The following GNB1L variants were observed in gnomAD, a reference collection of about 807,000 sequenced individuals.
GNB1L encodes the protein guanine nucleotide-binding protein subunit beta-like protein 1.
GNB1L carries 20 observed loss-of-function variants against 29.1 expected under a neutral mutation model. The observed-to-expected ratio is 0.69, with a 90% CI of 0.48 to 1.00. GNB1L has a LOEUF of 1.00. Ranked by LOEUF, GNB1L falls within the 50% of genes least tolerant of loss-of-function variation. The pLI, the probability that GNB1L is intolerant of heterozygous loss-of-function variation, is 0.00. For synonymous variants in GNB1L, 193 were observed against 206.5 expected (o/e 0.93, Z 0.56); for missense variants, 421 against 464.9 (o/e 0.91, Z 0.87).
At position 19,816,767 on chromosome 22, in the gene GNB1L, G is replaced by C. The variant is rs957542659; in HGVS notation, c.254+3831C>G. Among the ~76,000 whole-genome samples the C allele has an allele frequency of 1.3e-4, 20 of 152,008 alleles. No homozygotes were observed. Among genetic ancestry groups the C allele is most frequent in the Admixed American group, 2.6e-4 (4 of 15,258 alleles). On this transcript the variant is annotated intron_variant, in intron 4 of 7. Transcript: ENST00000329517. This position sits in a 1 kb window ranked among gnomAD's most constrained non-coding sequence, Gnocchi z 4.4. ...TCTCGTGTCTGTAACTCTCCTCTCT[G>C]GGCAGGGACAACCCTGGCCTCTGTT... is the stretch of plus-strand genomic sequence containing the variant.
intron 2 of GNB1L, chr22:19,850,563 AG>A: frequency 8.9e-7 from 1 of 1,128,784 alleles, no homozygotes; most frequent in Non-Finnish European, 1.1e-6. Flanking sequence ...CCAGCTGCCC[AG>A]AACTGCTGGT....
intron 2 of GNB1L, among the ~76,000 whole-genome samples, chr22:19,843,646 G>A (rs1424154108): frequency 6.6e-6 from 1 of 152,114 alleles, no homozygotes; most frequent in Non-Finnish European, 1.5e-5. Flanking sequence ...TGACAACTTG[G>A]CCTGAGGCCC....
At position 19,830,883 on chromosome 22, in the gene GNB1L, G is replaced by A. The variant is rs1937669884; in HGVS notation, c.-20-9508C>T. 3.3e-5 allele frequency among the ~76,000 whole-genome samples: 5 copies of A among 152,182 alleles called. No homozygotes were observed. The South Asian group carries it at 1.0e-3, about 31-fold the overall frequency. ...CTAGAAATAAACCCAAGTACGTGTG[G>A]AAGTTTAATACATAAAAGAGGTGGT... On this transcript the variant is annotated intron_variant, in intron 2 of 7. Transcript: ENST00000329517.
chr22:19,822,649 C>T (rs1937588595), intron 2 of GNB1L, among the ~76,000 whole-genome samples: 1 of 152,238 alleles, frequency 6.6e-6, no homozygotes, highest in African/African-American at 2.4e-5. Context: ...GCCCAGCCAC[C>T]TGCAGCCTGC....
At chr22:19,837,794 G>T (rs78538746) in intron 2 of GNB1L, among the ~76,000 whole-genome samples, 1 of 152,144 alleles carries the variant, frequency 6.6e-6, no homozygotes, top group Non-Finnish European at 1.5e-5. Context: ...GACAAAGTAG[G>T]AAGTACTGAT....
intron 2 of GNB1L, among the ~76,000 whole-genome samples, chr22:19,821,986 T>G (rs887093392): frequency 6.6e-6 from 1 of 151,998 alleles, no homozygotes; most frequent in Non-Finnish European, 1.5e-5. Context: ...TCTTCTCTCC[T>G]CCCTGCTGCC....
At chr22:19,811,727 CCT>C (rs1284226679) in intron 5 of GNB1L, among the ~76,000 whole-genome samples, 1 of 152,084 alleles carries the variant, frequency 6.6e-6, no homozygotes, top group Non-Finnish European at 1.5e-5. Flanking sequence ...TCACCTTTCC[CCT>C]GAGGACTGTG....
Position 19,788,513 on chromosome 22 carries a change from G to GC in GNB1L, c.*195dup. 1 of 745,692 alleles carries GC rather than the reference G, an allele frequency of 1.3e-6. No individual in the cohort carries two copies. Among genetic ancestry groups the GC allele is most frequent in the Non-Finnish European group, 2.4e-6 (1 of 417,826 alleles). 46.2% of individuals were successfully genotyped at this position (745,692 alleles called of 1,614,324 possible). ...CCTCGGACGGCCAGGGCTCTGGCTG[G>GC]CCCCCAGAGTCACCGTCCTGTGATG... On this transcript the variant is annotated 3_prime_UTR_variant, in exon 8 of 8. Coordinates refer to ENST00000329517, the MANE Select transcript of GNB1L (RefSeq NM_053004.3).
intron 7 of GNB1L, among the ~76,000 whole-genome samples, chr22:19,794,615 C>G (rs60543144): frequency 0.14 from 21,657 of 152,226 alleles, 2,213 homozygotes; most frequent in East Asian, 0.48. Flanking sequence ...AGGTGTTAGA[C>G]TTAATCCCAG....
chr22:19,788,118 T>G lies in GNB1L; in HGVS notation c.*591A>C. The G allele has an allele frequency of 6.0e-6, 1 of 166,232 alleles. No individual in the cohort carries two copies. Among genetic ancestry groups the G allele is most frequent in the Non-Finnish European group, 1.3e-5 (1 of 76,778 alleles). 10.3% of individuals were successfully genotyped at this position (166,232 alleles called of 1,614,324 possible). ...CCCTTGCCGTCCCTCACAGGCACCT[T>G]TCTCTGCTTCACTCTTTAGGGAGTT... On this transcript the variant is annotated 3_prime_UTR_variant, in exon 8 of 8. Coordinates refer to ENST00000329517, the MANE Select transcript of GNB1L (RefSeq NM_053004.3).
intron 4 of GNB1L, among the ~76,000 whole-genome samples, chr22:19,814,568 G>T (rs1284654691): frequency 6.6e-6 from 1 of 152,214 alleles, no homozygotes; most frequent in Non-Finnish European, 1.5e-5. Context: ...CCAGTGACCA[G>T]GGTTGTCCCC....
intron 2 of GNB1L, among the ~76,000 whole-genome samples, chr22:19,853,721 G>A (rs540879680): frequency 2.0e-5 from 3 of 151,956 alleles, no homozygotes; most frequent in East Asian, 3.9e-4. Flanking sequence ...CCCCCTCTGG[G>A]GGGGGGGTCT....
rs1331730608 is a variant in GNB1L, at chr22:19,802,022, C to T, written c.711G>A (p.Leu237=). Residue 237 remains leucine, a synonymous_variant, in exon 7 of 8, where the codon CTG becomes CTA. Coordinates refer to ENST00000329517, the MANE Select transcript of GNB1L (RefSeq NM_053004.3). Reference sequence around the variant, plus strand: ...TGACCTGCAGGGCCTGCTGCCAGTCCAGGCTCCAGACAGCCAGCGCCTTCC... The same window carrying T: ...TGACCTGCAGGGCCTGCTGCCAGTCTAGGCTCCAGACAGCCAGCGCCTTCC... The part of the protein sequence containing the change: ...SAGKALAVWS[L]DWQQALQVRG... 3 of 1,597,322 alleles carry T rather than the reference C, an allele frequency of 1.9e-6. No homozygotes were observed. Among genetic ancestry groups the T allele is most frequent in the Non-Finnish European group, 2.6e-6 (3 of 1,172,542 alleles).
intron 2 of GNB1L, chr22:19,849,798 G>A: frequency 1.0e-6 from 1 of 985,352 alleles, no homozygotes; most frequent in Non-Finnish European, 1.2e-6. Flanking sequence ...TTTCACAATT[G>A]TAAACCTGAA....
At chr22:19,841,627 G>T (rs1219960819) in intron 2 of GNB1L, among the ~76,000 whole-genome samples, 1 of 152,160 alleles carries the variant, frequency 6.6e-6, no homozygotes, top group Non-Finnish European at 1.5e-5. Context: ...AGCCTAAAGA[G>T]ACCTGCCTCT....
At chr22:19,796,191 C>A (rs1394831366) in intron 7 of GNB1L, among the ~76,000 whole-genome samples, 1 of 152,198 alleles carries the variant, frequency 6.6e-6, no homozygotes, top group African/African-American at 2.4e-5. Context: ...GAAGAAAAGA[C>A]CTCATTCACC....
chr22:19,836,912 A>G (rs1173268277), intron 2 of GNB1L, among the ~76,000 whole-genome samples: 2 of 152,204 alleles, frequency 1.3e-5, no homozygotes, highest in African/African-American at 2.4e-5. Flanking sequence ...AATCCATAAG[A>G]TAAAAAACAC....
chr22:19,824,050 C>T lies in GNB1L; in HGVS notation c.-20-2675G>A, dbSNP rs146196314. ...AAGGCTCATTCTCAGGTGATGAAAT[C>T]AAGTTCTCCTCTATTGTTTCCCCAG... On this transcript the variant is annotated intron_variant, in intron 2 of 7. Transcript: ENST00000329517. Among the ~76,000 whole-genome samples the T allele has an allele frequency of 2.5e-3, 374 of 152,354 alleles. 2 individuals carry two copies. The highest frequency in any genetic ancestry group is 8.7e-3 in the African/African-American group (362 of 41,576).
intron 2 of GNB1L, among the ~76,000 whole-genome samples, chr22:19,822,106 C>T (rs908556733): frequency 1.3e-4 from 20 of 152,182 alleles, no homozygotes; most frequent in African/African-American, 2.9e-4. Context: ...AGGCCTGCCC[C>T]GCCACAATTT....
Sources: allele counts gnomAD v4.1 joint callset (sites outside exome capture counted in the v4.1 genomes callset), GRCh38; gene constraint gnomAD v4.1.1; non-coding constraint Gnocchi (gnomAD v3.1); transcripts MANE v1.5; gene names NCBI Gene and HGNC (gene_info 2026-07-23, HGNC 2026-07-21).